SLC38A5: variants seen among roughly 807,000 people sequenced by gnomAD.
SLC38A5 encodes the protein sodium-coupled neutral amino acid transporter 5.
SLC38A5 carries 9 observed loss-of-function variants against 34.6 expected under a neutral mutation model. That is an observed-to-expected ratio of 0.26 (90% CI 0.16 to 0.45). The LOEUF (loss-of-function observed/expected upper bound fraction) is 0.45, where lower values mean the gene tolerates loss of function less well. Ranked by LOEUF, SLC38A5 falls within the 20% of genes least tolerant of loss-of-function variation. The pLI is 1.00. For missense variants in SLC38A5, 253 were observed against 394.7 expected (o/e 0.64, Z 3.04); for synonymous variants, 157 against 155.6 (o/e 1.01, Z -0.07).
chrX:48,459,170 T>C, intron 16 of SLC38A5, 136 bp from the exon 17 acceptor site: 1 of 653,165 alleles, frequency 1.5e-6, no homozygotes, highest in Non-Finnish European at 2.3e-6. Context: ...GCCCTCTCCT[T>C]CCTTACAGCC....
intron 8 of SLC38A5, 31 bp downstream of exon 8, chrX:48,465,984 G>A (rs1602031178): frequency 4.4e-6 from 5 of 1,135,267 alleles, no homozygotes; most frequent in Non-Finnish European, 5.9e-6. Context: ...TCAAGGGGCT[G>A]CTGGCCAGCC....
At chrX:48,463,463 A>G (rs1417936739) in intron 8 of SLC38A5, among the ~76,000 whole-genome samples, 1 of 110,522 alleles carries the variant, frequency 9.0e-6, no homozygotes, top group Non-Finnish European at 1.9e-5. Context: ...CAAATTAGCC[A>G]GGCGTGGTGG....
chrX:48,467,350 G>C (rs1293431838), intron 4 of SLC38A5: 1 of 418,824 alleles, frequency 2.4e-6, no homozygotes, highest in Non-Finnish European at 4.1e-6. Flanking sequence ...GCAGCCACCA[G>C]AGGTAAAACA....
rs2061473500 is a variant in SLC38A5, at chrX:48,466,044, G to A, written c.462C>T (p.Ile154=). ...CGGGGTCCATGTACAGGAAGGTGCCGATAACCAGGGGGAGCTCAGATTTGA... is the reference window on the plus strand; with the variant it reads ...CGGGGTCCATGTACAGGAAGGTGCCAATAACCAGGGGGAGCTCAGATTTGA... ...FIIKSELPLV[I]GTFLYMDPEG... Residue 154 remains isoleucine, a synonymous_variant, in exon 8 of 17, where the codon ATC becomes ATT. Coordinates refer to ENST00000620913, the MANE Select transcript of SLC38A5 (RefSeq NM_033518.4). 3.3e-6 allele frequency: 4 copies of A among 1,203,050 alleles called. No individual in the cohort carries two copies. Among genetic ancestry groups the A allele is most frequent in the Non-Finnish European group, 3.4e-6 (3 of 890,840 alleles).
chrX:48,467,539 G>A (rs2061487280), intron 4 of SLC38A5, 171 bp downstream of exon 4: 2 of 480,926 alleles, frequency 4.2e-6, no homozygotes, highest in East Asian at 7.4e-5. Context: ...GGGCATATCT[G>A]GGGAAGAGGA....
chrX:48,461,173 C>A, intron 12 of SLC38A5, 87 bp from the exon 13 acceptor site: 1 of 783,785 alleles, frequency 1.3e-6, no homozygotes, highest in Non-Finnish European at 1.9e-6. Flanking sequence ...CCTCCAGAGT[C>A]CCCTTCTCCC....
In SLC38A5 at chrX:48,466,109, G is replaced by C; in HGVS notation, c.413-16C>G. On this transcript the variant is annotated splice_polypyrimidine_tract_variant and intron_variant, in intron 7 of 16. Coordinates refer to ENST00000620913, the MANE Select transcript of SLC38A5 (RefSeq NM_033518.4). ...CTGGACATGGCTGGTGCAGGTGGGG[G>C]AGGTGTAAGCAGAAGGATTCTCTTC... 2 of 1,189,217 alleles carry C rather than the reference G, an allele frequency of 1.7e-6. No homozygotes were observed. Among genetic ancestry groups the C allele is most frequent in the Non-Finnish European group, 2.3e-6 (2 of 882,626 alleles).
At position 48,463,374 on chromosome X, in the gene SLC38A5, G is replaced by A. The variant is rs1317722448; in HGVS notation, c.492-394C>T. The stretch of plus-strand genomic sequence containing the variant: ...TCCCAGCACTTTGGGAGGCTGAGGC[G>A]GGTGGATCACCTAAGGTCAGGAGTT... On this transcript the variant is annotated intron_variant, in intron 8 of 16. Transcript: ENST00000620913. 4.5e-5 allele frequency among the ~76,000 whole-genome samples: 5 copies of A among 110,955 alleles called. No homozygotes were observed. The East Asian group carries it at 8.6e-4, about 19-fold the overall frequency.
chrX:48,468,584 T>C, intron 2 of SLC38A5: 1 of 200,807 alleles, frequency 5.0e-6, no homozygotes, highest in Non-Finnish European at 7.5e-6. Flanking sequence ...GCCACGACTC[T>C]GAATATCCTC....
At chrX:48,466,932 C>G in intron 5 of SLC38A5, 30 bp downstream of exon 5, 1 of 1,205,397 alleles carries the variant, frequency 8.3e-7, no homozygotes, top group Non-Finnish European at 1.1e-6. Context: ...CCACAACACC[C>G]CTGGCCCCGC....
In SLC38A5 at chrX:48,462,072, C is replaced by T. The variant is rs1048119599; in HGVS notation, c.706G>A (p.Val236Met). ...TTGAGTCCTTGGCTGGGGAGTCCCA[C>T]GAGAGCTTCACTCTCCATTGCTGTT... ...NETAMESEAL[V>M]GLPSQGLNSS... is the part of the protein sequence containing the mutation. Residue 236 changes from valine to methionine, a missense_variant, in exon 11 of 17, where the codon GTG becomes ATG. Physicochemically the swap from Val to Met is conservative, Grantham distance 21. Coordinates refer to ENST00000620913, the MANE Select transcript of SLC38A5 (RefSeq NM_033518.4). The T allele has an allele frequency of 5.0e-5, 58 of 1,166,044 alleles. No homozygotes were observed. In the Middle Eastern group the frequency reaches 7.2e-4, roughly 15 times the overall value.
chrX:48,460,706 A>G lies in SLC38A5; in HGVS notation c.1011T>C (p.Cys337=), dbSNP rs1027234037. ...MYSQKDPLIL[C]VRLAVLLAVT... is the part of the protein sequence containing the mutation. ...CCGCGAGCAGCACGGCCAGGCGCACACAGAGGATGAGCGGGTCCTTCTGGC... is the reference window on the plus strand; with the variant it reads ...CCGCGAGCAGCACGGCCAGGCGCACGCAGAGGATGAGCGGGTCCTTCTGGC... Residue 337 remains cysteine, a synonymous_variant, in exon 14 of 17, where the codon TGT becomes TGC. Coordinates refer to ENST00000620913, the MANE Select transcript of SLC38A5 (RefSeq NM_033518.4). 3 of 1,210,566 alleles carry G rather than the reference A, an allele frequency of 2.5e-6. No individual in the cohort carries two copies. The African/African-American group carries it at 5.2e-5, about 21-fold the overall frequency.
rs933111253 is a variant in SLC38A5, at chrX:48,466,284, C to T, written c.358G>A (p.Gly120Arg). Residue 120 changes from glycine to arginine, a missense_variant, in exon 7 of 17, where the codon GGG becomes AGG. Physicochemically the swap from Gly to Arg is moderately radical, Grantham distance 125. Transcript: ENST00000620913. Reference sequence around the variant, plus strand: ...GCCACCACTACCTTCCCCGCAGGCCCGAATGCCCTCTGTCCCAGCTGCTCA... The same window carrying T: ...GCCACCACTACCTTCCCCGCAGGCCTGAATGCCCTCTGTCCCAGCTGCTCA... Reference protein sequence around the residue: ...AYEQLGQRAFGPAGKVVVATV... With the variant: ...AYEQLGQRAFRPAGKVVVATV... 1.7e-6 allele frequency: 2 copies of T among 1,203,797 alleles called. No homozygotes were observed. Among genetic ancestry groups the T allele is most frequent in the Non-Finnish European group, 2.2e-6 (2 of 891,940 alleles).
intron 8 of SLC38A5, among the ~76,000 whole-genome samples, chrX:48,464,577 C>T (rs1569470168): frequency 8.9e-6 from 1 of 112,185 alleles, no homozygotes; most frequent in African/African-American, 3.2e-5. Flanking sequence ...AAGCAGATCA[C>T]CTGAGGTCAG....
In SLC38A5 at chrX:48,467,783, T is replaced by C; in HGVS notation, c.56A>G (p.Tyr19Cys). 8.3e-7 allele frequency: 1 copy of C among 1,207,462 alleles called. No individual in the cohort carries two copies. Among genetic ancestry groups the C allele is most frequent in the Non-Finnish European group, 1.1e-6 (1 of 893,477 alleles). ...NGALPSDAVG[Y>C]RQEREGFLPS... ...CAGGAAGCCCTCACGTTCTTGCCTGTAGCTGGATAGGGCAGGGAAATAGGG... is the reference window on the plus strand; with the variant it reads ...CAGGAAGCCCTCACGTTCTTGCCTGCAGCTGGATAGGGCAGGGAAATAGGG... Residue 19 changes from tyrosine to cysteine, a missense_variant and splice_region_variant, in exon 4 of 17, where the codon TAC (tyrosine) becomes TGC (cysteine). This residue lies in a region of SLC38A5 where 40 missense variants were observed against 36.4 expected (regional missense o/e 1.10). Coordinates refer to ENST00000620913, the MANE Select transcript of SLC38A5 (RefSeq NM_033518.4).
At chrX:48,466,461 A>T (rs1367846167) in intron 6 of SLC38A5, 139 bp from the exon 7 acceptor site, 2 of 596,474 alleles carry the variant, frequency 3.4e-6, no homozygotes, top group Non-Finnish European at 5.3e-6. Context: ...GGGGTTAAGC[A>T]GTTGGGCTTG....
chrX:48,467,725 C>G lies in SLC38A5; in HGVS notation c.114G>C (p.Pro38=). 1 of 1,206,923 alleles carries G rather than the reference C, an allele frequency of 8.3e-7. No individual in the cohort carries two copies. The highest frequency in any genetic ancestry group is 1.1e-6 in the Non-Finnish European group (1 of 893,320). Residue 38 remains proline, a synonymous_variant, in exon 4 of 17, where the codon CCG becomes CCC. Transcript: ENST00000620913. ...GGCCACTCACATCCATGAACTGGAC[C>G]GGCTTGCTCCCAGGAGCAGGACCAC... is the stretch of plus-strand genomic sequence containing the variant. ...PSRGPAPGSK[P]VQFMDFEGKT... is the part of the protein sequence containing the mutation.
Position 48,459,821 on chromosome X carries a change from C to T in SLC38A5, c.1124G>A (p.Arg375Gln), listed in dbSNP as rs1602020243. ...LFPGKAFSWPRHVAIALILLV... is the reference protein window; with the variant it reads ...LFPGKAFSWPQHVAIALILLV... The stretch of plus-strand genomic sequence containing the variant: ...CAGGATCAGAGCTATGGCCACATGT[C>T]GTGGCCAGCTGAAGGCCTTGCCTGG... Residue 375 changes from arginine to glutamine, a missense_variant, in exon 15 of 17, where the codon CGA (arginine) becomes CAA (glutamine). Arg to Gln is a conservative substitution (Grantham distance 43). Coordinates refer to ENST00000620913, the MANE Select transcript of SLC38A5 (RefSeq NM_033518.4). 5 of 1,211,279 alleles carry T rather than the reference C, an allele frequency of 4.1e-6. No individual in the cohort carries two copies. Among genetic ancestry groups the T allele is most frequent in the Admixed American group, 2.2e-5 (1 of 45,998 alleles).
chrX:48,467,126 G>C (rs2061483402), intron 4 of SLC38A5, 49 bp from the exon 5 acceptor site: 4 of 1,062,721 alleles, frequency 3.8e-6, no homozygotes, highest in African/African-American at 1.8e-5. Flanking sequence ...AGGGCACAGG[G>C]TAAGGAGACT....
Sources: gnomAD v4.1 joint callset for allele counts (sites outside exome capture counted in the v4.1 genomes callset) on GRCh38, gnomAD v4.1.1 for gene constraint, gnomAD v4.1.1 regional missense constraint, MANE v1.5 for transcripts, NCBI Gene and HGNC (gene_info 2026-07-23, HGNC 2026-07-21) for gene names.